The following MIPOL1 variants were observed in gnomAD, a reference collection of about 807,000 sequenced individuals.
The protein encoded by MIPOL1 is mirror-image polydactyly 1.
MIPOL1 carries 57 observed loss-of-function variants against 60.9 expected under a neutral mutation model. That is an observed-to-expected ratio of 0.94 (90% CI 0.76 to 1.17). The LOEUF (loss-of-function observed/expected upper bound fraction) is 1.17. MIPOL1 is among the 50% of genes most tolerant of loss of function. The pLI, the probability that MIPOL1 is intolerant of heterozygous loss-of-function variation, is 0.00. For missense variants in MIPOL1, 551 were observed against 511.6 expected, an observed-to-expected ratio of 1.08 and a Z score of -0.74; for synonymous variants, 179 against 168.8, an observed-to-expected ratio of 1.06 and a Z score of -0.47.
intron 1 of MIPOL1, among the ~76,000 whole-genome samples, chr14:37,224,605 T>C (rs987159114): frequency 1.3e-5 from 2 of 152,146 alleles, no homozygotes; most frequent in African/African-American, 4.8e-5. Context: ...ACCCCCATGA[T>C]TCAATTATCT....
intron 11 of MIPOL1, among the ~76,000 whole-genome samples, chr14:37,491,626 T>G (rs898057842): frequency 4.6e-5 from 7 of 152,230 alleles, no homozygotes; most frequent in Non-Finnish European, 4.4e-5. Flanking sequence ...AGATATTTAG[T>G]GAAACCCAAT....
At chr14:37,248,741 G>A (rs1005298734) in intron 3 of MIPOL1, among the ~76,000 whole-genome samples, 3 of 151,952 alleles carry the variant, frequency 2.0e-5, no homozygotes, top group Admixed American at 6.6e-5. Context: ...AGAGTAGAGA[G>A]AATGAGAGAC....
At chr14:37,368,360 T>C (rs1287068525) in intron 9 of MIPOL1, among the ~76,000 whole-genome samples, 1 of 152,076 alleles carries the variant, frequency 6.6e-6, no homozygotes, top group Non-Finnish European at 1.5e-5. Context: ...TTTTGTATAC[T>C]CAAAGTTGTG....
intron 10 of MIPOL1, among the ~76,000 whole-genome samples, chr14:37,421,871 G>T (rs1472599672): frequency 6.7e-6 from 1 of 150,080 alleles, no homozygotes; most frequent in Non-Finnish European, 1.5e-5. Flanking sequence ...GAAATTATAT[G>T]AATTCAGCAA....
intron 1 of MIPOL1, among the ~76,000 whole-genome samples, chr14:37,215,280 C>T (rs191871110): frequency 8.0e-4 from 121 of 151,836 alleles, no homozygotes; most frequent in African/African-American, 2.6e-3. Context: ...TAAATAACAG[C>T]GCAGCCTGGG....
chr14:37,403,466 G>A (rs1256555073), intron 10 of MIPOL1, among the ~76,000 whole-genome samples: 3 of 137,442 alleles, frequency 2.2e-5, no homozygotes, highest in Non-Finnish European at 3.1e-5. Context: ...AGTAGAGATG[G>A]AGTCTCGCTG....
At chr14:37,203,822 G>A (rs8011728) in intron 1 of MIPOL1, among the ~76,000 whole-genome samples, 11,094 of 152,054 alleles carry the variant, frequency 0.073, 1,350 homozygotes, top group African/African-American at 0.25. Flanking sequence ...TCACTCTGCC[G>A]CCCAGGCTGG....
chr14:37,417,765 A>G (rs182609832), intron 10 of MIPOL1, among the ~76,000 whole-genome samples: 2 of 152,282 alleles, frequency 1.3e-5, no homozygotes, highest in South Asian at 2.1e-4. Context: ...TTAATCATAT[A>G]TATTTATGGT....
At position 37,206,923 on chromosome 14, in the gene MIPOL1, T is replaced by G. The variant is rs1188221710; in HGVS notation, c.-199+8819T>G. The stretch of plus-strand genomic sequence containing the variant: ...CATTGTATCTAGGAACTAACTTGCT[T>G]TTGATTTTGCAGGCTCACAGGTGGA... On this transcript the variant is annotated intron_variant, in intron 1 of 12. Transcript: ENST00000684589. 2.0e-5 allele frequency among the ~76,000 whole-genome samples: 3 copies of G among 152,202 alleles called. No individual in the cohort carries two copies. In the East Asian group the frequency reaches 5.8e-4, roughly 29 times the overall value.
intron 10 of MIPOL1, among the ~76,000 whole-genome samples, chr14:37,395,271 C>G (rs2093349909): frequency 6.6e-6 from 1 of 152,080 alleles, no homozygotes; most frequent in Non-Finnish European, 1.5e-5. Flanking sequence ...ATTGCTTTTT[C>G]TAATTCTGTG....
intron 7 of MIPOL1, among the ~76,000 whole-genome samples, chr14:37,286,096 GCTAT>G (rs1464125860): frequency 6.6e-6 from 1 of 151,858 alleles, no homozygotes; most frequent in Non-Finnish European, 1.5e-5. Flanking sequence ...ATTCATTTCA[GCTAT>G]CTGAGTCTTT....
At chr14:37,339,306 A>C (rs2090409963) in intron 9 of MIPOL1, among the ~76,000 whole-genome samples, 1 of 152,244 alleles carries the variant, frequency 6.6e-6, no homozygotes, top group South Asian at 2.1e-4. Context: ...AGACAACAGC[A>C]AACATTGGTA....
intron 11 of MIPOL1, among the ~76,000 whole-genome samples, chr14:37,423,312 G>A (rs940170786): frequency 2.0e-5 from 3 of 149,030 alleles, no homozygotes; most frequent in Non-Finnish European, 4.5e-5. Flanking sequence ...ACATATAAAT[G>A]TAATATATAT....
At chr14:37,353,613 C>A (rs908491348) in intron 9 of MIPOL1, among the ~76,000 whole-genome samples, 2 of 151,166 alleles carry the variant, frequency 1.3e-5, no homozygotes, top group Non-Finnish European at 3.0e-5. Context: ...AGAGATTCAA[C>A]TTCTTCCTGG....
intron 1 of MIPOL1, among the ~76,000 whole-genome samples, chr14:37,203,674 A>G (rs1965646783): frequency 6.6e-6 from 1 of 152,210 alleles, no homozygotes; most frequent in Non-Finnish European, 1.5e-5. Flanking sequence ...TGAGGAAGTC[A>G]GCTGTCATGT....
chr14:37,381,799 A>C (rs979869804), intron 10 of MIPOL1, among the ~76,000 whole-genome samples: 5 of 151,500 alleles, frequency 3.3e-5, no homozygotes, highest in Non-Finnish European at 7.4e-5. Context: ...TATTTTGCCC[A>C]GGCTGGTCTG....
At chr14:37,551,475 A>G (rs1229623749), downstream of MIPOL1, 2 of 152,124 alleles carry the variant, frequency 1.3e-5, no homozygotes, top group Non-Finnish European at 2.9e-5. Flanking sequence ...TTTCAAAACT[A>G]TTTAGATATA....
intron 7 of MIPOL1, among the ~76,000 whole-genome samples, chr14:37,290,294 C>T (rs556489344): frequency 8.8e-4 from 134 of 152,170 alleles, no homozygotes; most frequent in Non-Finnish European, 1.6e-3. Flanking sequence ...GACGTGATCT[C>T]GGCTCACCAC....
intron 11 of MIPOL1, among the ~76,000 whole-genome samples, chr14:37,439,379 T>G (rs2094208309): frequency 6.6e-6 from 1 of 152,198 alleles, no homozygotes; most frequent in Non-Finnish European, 1.5e-5. Flanking sequence ...TGTTATATTA[T>G]GCAATTGAGA....
Sources: gnomAD v4.1 joint callset for allele counts (sites outside exome capture counted in the v4.1 genomes callset) on GRCh38, gnomAD v4.1.1 for gene constraint, MANE v1.5 for transcripts, NCBI Gene and HGNC (gene_info 2026-07-23, HGNC 2026-07-21) for gene names.